ACKR2: variants seen among roughly 807,000 people sequenced by gnomAD.
The protein encoded by ACKR2 is atypical chemokine receptor 2.
For synonymous variants in ACKR2, 207 were observed against 192.2 expected (o/e 1.08, Z -0.64); for missense variants, 457 against 477.3 (o/e 0.96, Z 0.40).
intron 2 of ACKR2, among the ~76,000 whole-genome samples, chr3:42,828,090 A>ATTTTTT (rs200255129): frequency 2.1e-3 from 196 of 91,872 alleles, no homozygotes; most frequent in African/African-American, 7.8e-3. Flanking sequence ...ATATATATAT[A>ATTTTTT]TATTTTTTTT....
chr3:42,825,851 GT>G (rs1162654936), intron 2 of ACKR2, among the ~76,000 whole-genome samples: 7 of 97,848 alleles, frequency 7.2e-5, no homozygotes, highest in African/African-American at 1.8e-4. Context: ...TTAGCTCTGG[GT>G]TTTTTTTTTT....
At chr3:42,858,459 CAGAA>C (rs1035790503) in intron 2 of ACKR2, among the ~76,000 whole-genome samples, 1 of 152,136 alleles carries the variant, frequency 6.6e-6, no homozygotes, top group Non-Finnish European at 1.5e-5. Context: ...AACTAACAAA[CAGAA>C]AGGAATAGCA....
chr3:42,859,189 C>A (rs1042773441), intron 2 of ACKR2, among the ~76,000 whole-genome samples: 1 of 152,110 alleles, frequency 6.6e-6, no homozygotes, highest in African/African-American at 2.4e-5. Flanking sequence ...CACAAAGATA[C>A]TCCTCGAGAA....
intron 2 of ACKR2, among the ~76,000 whole-genome samples, chr3:42,826,878 A>G (rs1296297743): frequency 6.6e-6 from 1 of 152,044 alleles, no homozygotes. Context: ...CTCTCTAAGC[A>G]TTGCTTTTAC....
Position 42,865,264 on chromosome 3 carries a change from C to T in ACKR2, c.762C>T (p.Ala254=). Residue 254 remains alanine, a synonymous_variant, in exon 3 of 3, where the codon GCC becomes GCT. Coordinates refer to ENST00000422265, the MANE Select transcript of ACKR2 (RefSeq NM_001296.5). Reference sequence around the variant, plus strand: ...GCCGGGCTTTAAAAATAGCTGCAGCCTTGGTGGTGGCCTTCTTCGTGCTAT... The same window carrying T: ...GCCGGGCTTTAAAAATAGCTGCAGCTTTGGTGGTGGCCTTCTTCGTGCTAT... The part of the protein sequence containing the change: ...GQGRALKIAA[A]LVVAFFVLWF... The T allele has an allele frequency of 6.2e-7, 1 of 1,614,202 alleles. No individual in the cohort carries two copies. The highest frequency in any genetic ancestry group is 8.5e-7 in the Non-Finnish European group (1 of 1,180,042).
chr3:42,859,894 T>C (rs1051939708), intron 2 of ACKR2, among the ~76,000 whole-genome samples: 3 of 151,882 alleles, frequency 2.0e-5, no homozygotes, highest in Non-Finnish European at 2.9e-5. Flanking sequence ...TACCAAATTG[T>C]AAAGACCATT....
intron 2 of ACKR2, among the ~76,000 whole-genome samples, chr3:42,862,618 G>A (rs2088396199): frequency 6.6e-6 from 1 of 152,154 alleles, no homozygotes; most frequent in African/African-American, 2.4e-5. Context: ...TATACTACAA[G>A]TCTACAGTAA....
intron 1 of ACKR2, among the ~76,000 whole-genome samples, chr3:42,810,446 C>G (rs1408182390): frequency 6.6e-6 from 1 of 150,380 alleles, no homozygotes; most frequent in African/African-American, 2.4e-5. Context: ...CTTTTTTCCT[C>G]TTTGCCTTTG....
intron 2 of ACKR2, among the ~76,000 whole-genome samples, chr3:42,834,927 C>G (rs920333920): frequency 2.0e-5 from 3 of 151,778 alleles, no homozygotes; most frequent in African/African-American, 7.3e-5. Flanking sequence ...CTCTGCTACC[C>G]AGGCTGGAGT....
Position 42,854,455 on chromosome 3 carries a change from C to T in ACKR2, c.-37-10011C>T, listed in dbSNP as rs139887762. Among the ~76,000 whole-genome samples, 686 of 152,172 alleles carry T rather than the reference C, an allele frequency of 4.5e-3. 6 individuals carry two copies. The highest frequency in any genetic ancestry group is 0.016 in the African/African-American group (662 of 41,512). On this transcript the variant is annotated intron_variant, in intron 2 of 2. Transcript: ENST00000422265. ...GTCCCACTGTCGGAACCTCAACCTT[C>T]GAATTTAAGTTTGATCCATTTTGAA...
At chr3:42,856,824 C>A (rs915403694) in intron 2 of ACKR2, among the ~76,000 whole-genome samples, 3 of 151,458 alleles carry the variant, frequency 2.0e-5, no homozygotes, top group Non-Finnish European at 4.4e-5. Flanking sequence ...CCTCTCTCCT[C>A]CTCAAGCCCC....
chr3:42,835,976 G>A (rs1162654991), intron 2 of ACKR2: 1 of 152,066 alleles, frequency 6.6e-6, no homozygotes, highest in Non-Finnish European at 1.5e-5. Flanking sequence ...GAGATGATTG[G>A]TGCATTAGAA....
At chr3:42,825,857 T>TTTTG in intron 2 of ACKR2, among the ~76,000 whole-genome samples, 2 of 103,470 alleles carry the variant, frequency 1.9e-5, no homozygotes, top group South Asian at 3.5e-4. Context: ...CTGGGTTTTT[T>TTTTG]TTTTTTTGTT....
At position 42,865,839 on chromosome 3, in the gene ACKR2, C is replaced by G; in HGVS notation, c.*182C>G. On this transcript the variant is annotated 3_prime_UTR_variant, in exon 3 of 3. Transcript: ENST00000422265. ...TTCCTCCACTTTCTTCACTTGCTTC[C>G]AGGATACCACGCTTTCTTTTCTGAA... 1 of 563,080 alleles carries G rather than the reference C, an allele frequency of 1.8e-6. No individual in the cohort carries two copies. The highest frequency in any genetic ancestry group is 3.2e-6 in the Non-Finnish European group (1 of 313,814). The allele number at this position is 563,080 out of a possible 1,614,324, so 34.9% of individuals were successfully genotyped here.
chr3:42,832,382 A>T (rs2125609132), intron 2 of ACKR2, among the ~76,000 whole-genome samples: 1 of 152,132 alleles, frequency 6.6e-6, no homozygotes, highest in East Asian at 1.9e-4. Context: ...CCAGCTACTC[A>T]GGAGGCTGAG....
At chr3:42,856,626 G>C (rs2088324351) in intron 2 of ACKR2, among the ~76,000 whole-genome samples, 1 of 151,802 alleles carries the variant, frequency 6.6e-6, no homozygotes, top group Non-Finnish European at 1.5e-5. Context: ...AATACAAGGG[G>C]GTATTGAACA....
At chr3:42,846,982 C>T (rs1701105346) in intron 2 of ACKR2, among the ~76,000 whole-genome samples, 1 of 152,128 alleles carries the variant, frequency 6.6e-6, no homozygotes, top group South Asian at 2.1e-4. Context: ...GAGTAGGAGT[C>T]AGAAAGTCCA....
chr3:42,823,761 A>G (rs1256166337), intron 2 of ACKR2, among the ~76,000 whole-genome samples: 4 of 152,206 alleles, frequency 2.6e-5, no homozygotes, highest in Non-Finnish European at 1.5e-5. Context: ...AATAAAATCT[A>G]TTGACTTTTG....
intron 2 of ACKR2, among the ~76,000 whole-genome samples, chr3:42,854,245 G>C (rs1701195061): frequency 6.6e-6 from 1 of 152,182 alleles, no homozygotes; most frequent in Non-Finnish European, 1.5e-5. Flanking sequence ...GGAGAGGAAA[G>C]CCTTGATTTA....
Sources: allele counts gnomAD v4.1 joint callset (sites outside exome capture counted in the v4.1 genomes callset), GRCh38; gene constraint gnomAD v4.1.1; transcripts MANE v1.5; gene names NCBI Gene and HGNC (gene_info 2026-07-23, HGNC 2026-07-21).